Variants in CTCFL observed in about 807,000 individuals in gnomAD.
CTCFL encodes transcriptional repressor CTCFL.
Under a neutral mutation model 67.4 loss-of-function variants are expected in CTCFL, and 36 were observed. That is an observed-to-expected ratio of 0.53 (90% CI 0.41 to 0.71). CTCFL has a LOEUF of 0.71. Among genes scored for constraint, CTCFL ranks in the 30% least tolerant of loss-of-function variants. The pLI, the probability that CTCFL is intolerant of heterozygous loss-of-function variation, is 0.00. For missense variants in CTCFL, 786 were observed against 835.2 expected, an observed-to-expected ratio of 0.94 and a Z score of 0.73; for synonymous variants, 324 against 302.3, an observed-to-expected ratio of 1.07 and a Z score of -0.75.
chr20:57,504,028 G>C (rs2068053784), intron 9 of CTCFL, among the ~76,000 whole-genome samples: 1 of 152,130 alleles, frequency 6.6e-6, no homozygotes. Context: ...CCAGGCTGGA[G>C]TGCAGTGGCG....
In CTCFL at chr20:57,519,205, A is replaced by G. The variant is rs1407649829; in HGVS notation, c.925+2T>C. ...GAGAAACAGCCTTCCCGGCAGTTTT[A>G]CCTGTGTGGGTGTTAACATGGTTCC... On this transcript the variant is annotated splice_donor_variant, in intron 4 of 10. Coordinates refer to ENST00000243914, the MANE Select transcript of CTCFL (RefSeq NM_001386993.1). LOFTEE classifies it high-confidence loss of function. The G allele has an allele frequency of 1.9e-6, 3 of 1,613,776 alleles. No homozygotes were observed. In the East Asian group the frequency reaches 6.7e-5, roughly 36 times the overall value.
chr20:57,511,764 G>T (rs1002630532), intron 8 of CTCFL, among the ~76,000 whole-genome samples: 1 of 151,974 alleles, frequency 6.6e-6, no homozygotes, highest in Non-Finnish European at 1.5e-5. Context: ...ACTAATTTTT[G>T]TATTTTTTAA....
At chr20:57,519,617 C>G (rs2069195918) in intron 3 of CTCFL, among the ~76,000 whole-genome samples, 2 of 152,174 alleles carry the variant, frequency 1.3e-5, no homozygotes, top group Non-Finnish European at 2.9e-5. Flanking sequence ...GGACTAGGTA[C>G]TCTGCTCATC....
chr20:57,520,906 T>C (rs2069304907), intron 3 of CTCFL, among the ~76,000 whole-genome samples: 1 of 151,888 alleles, frequency 6.6e-6, no homozygotes, highest in African/African-American at 2.4e-5. Flanking sequence ...AGGTGGGTCA[T>C]AAGCCAGTAT....
chr20:57,496,197 G>T (rs898751855), downstream of CTCFL: 5 of 527,628 alleles, frequency 9.5e-6, no homozygotes, highest in African/African-American at 9.6e-5. Context: ...CGGTTCTCAA[G>T]GAATCTGGTC....
intron 8 of CTCFL, among the ~76,000 whole-genome samples, chr20:57,509,655 T>C (rs1398277269): frequency 6.6e-6 from 1 of 152,244 alleles, no homozygotes; most frequent in Non-Finnish European, 1.5e-5. Context: ...CATTTTGTTT[T>C]ATTTAAAATG....
intron 10 of CTCFL, 23 bp downstream of exon 10, chr20:57,503,413 A>G (rs1323460211): frequency 6.2e-7 from 1 of 1,613,622 alleles, no homozygotes; most frequent in South Asian, 1.1e-5. Context: ...GGCGGTAAAA[A>G]CAAATCTGCG....
At chr20:57,499,110 C>T (rs1294393211) in intron 10 of CTCFL, among the ~76,000 whole-genome samples, 3 of 149,446 alleles carry the variant, frequency 2.0e-5, no homozygotes, top group Middle Eastern at 3.6e-3. Context: ...TCATTCCCAG[C>T]TGGCATCAGC....
chr20:57,502,364 A>AT (rs1172426127), intron 10 of CTCFL, among the ~76,000 whole-genome samples: 5 of 150,720 alleles, frequency 3.3e-5, no homozygotes, highest in Non-Finnish European at 7.4e-5. Context: ...TTTTTTTAGT[A>AT]TAAGTATATC....
intron 9 of CTCFL, among the ~76,000 whole-genome samples, chr20:57,504,885 C>G (rs949354999): frequency 5.9e-5 from 9 of 151,946 alleles, no homozygotes; most frequent in Non-Finnish European, 1.0e-4. Context: ...GATATCCTGC[C>G]CTTTTAGGGC....
At position 57,497,764 on chromosome 20, in the gene CTCFL, G is replaced by T. The variant is rs886264260; in HGVS notation, c.*786C>A. Reference sequence around the variant, plus strand: ...AAAGAGTAGTTTTAGCAGAAAAAAGGGTTATGGAGTGAAATACTAATAAGC... The same window carrying T: ...AAAGAGTAGTTTTAGCAGAAAAAAGTGTTATGGAGTGAAATACTAATAAGC... On this transcript the variant is annotated 3_prime_UTR_variant, in exon 11 of 11. Transcript: ENST00000243914. The T allele has an allele frequency of 1.0e-6, 1 of 984,584 alleles. No homozygotes were observed. The highest frequency in any genetic ancestry group is 1.2e-6 in the Non-Finnish European group (1 of 829,302). 61.0% of individuals were successfully genotyped at this position (984,584 alleles called of 1,614,324 possible).
At position 57,497,413 on chromosome 20, in the gene CTCFL, A is replaced by G; in HGVS notation, c.*1137T>C. On this transcript the variant is annotated 3_prime_UTR_variant, in exon 11 of 11. Transcript: ENST00000243914. Reference sequence around the variant, plus strand: ...GGATTCTGAACTTGTGATATTTTCAATAAAAGGTCCATATCTTAAGAATTT... The same window carrying G: ...GGATTCTGAACTTGTGATATTTTCAGTAAAAGGTCCATATCTTAAGAATTT... The G allele has an allele frequency of 1.0e-6, 1 of 985,310 alleles. No individual in the cohort carries two copies. The highest frequency in any genetic ancestry group is 1.2e-6 in the Non-Finnish European group (1 of 829,804). The allele number at this position is 985,310 out of a possible 1,614,324, so 61.0% of individuals were successfully genotyped here. A position where few individuals can be genotyped will look rare whatever the true frequency, so the allele number is the denominator to read the frequency against.
In CTCFL at chr20:57,517,140, A is replaced by G. The variant is rs576134423; in HGVS notation, c.1060-1306T>C. Among the ~76,000 whole-genome samples the G allele has an allele frequency of 5.3e-5, 8 of 152,342 alleles. No homozygotes were observed. In the South Asian group the frequency reaches 1.5e-3, roughly 28 times the overall value. On this transcript the variant is annotated intron_variant, in intron 5 of 10. Transcript: ENST00000243914. ...AGTGAATGCCTTCAAGTATATTAGAAAGCAAAACAAAAAGAATTTTAAAAA... is the reference window on the plus strand; with the variant it reads ...AGTGAATGCCTTCAAGTATATTAGAGAGCAAAACAAAAAGAATTTTAAAAA...
chr20:57,524,649 T>A, intron 1 of CTCFL: 1 of 1,005,402 alleles, frequency 9.9e-7, no homozygotes, highest in Non-Finnish European at 1.2e-6. Flanking sequence ...CCTAGCAAGT[T>A]TCAGGTCCAA....
At chr20:57,508,521 G>T (rs2068348858) in intron 9 of CTCFL, 85 bp downstream of exon 9, 2 of 1,354,524 alleles carry the variant, frequency 1.5e-6, no homozygotes, top group Non-Finnish European at 2.1e-6. Context: ...CTATAATCGG[G>T]TTTAAACTCT....
At chr20:57,516,753 T>C (rs6099663) in intron 5 of CTCFL, among the ~76,000 whole-genome samples, 2,198 of 152,340 alleles carry the variant, frequency 0.014, 52 homozygotes, top group African/African-American at 0.049. Context: ...AGAAATTAAA[T>C]TCTAATTTGA....
intron 9 of CTCFL, among the ~76,000 whole-genome samples, chr20:57,505,214 T>G: frequency 6.6e-6 from 1 of 151,914 alleles, no homozygotes; most frequent in East Asian, 1.9e-4. Context: ...TTAAGTATTT[T>G]TTTTTAATAA....
rs142417579 is a variant in CTCFL at position 57,513,259 on chromosome 20, G to T, written c.1331-507C>A. The T allele has an allele frequency of 1.1e-3, 1,045 of 985,688 alleles. 12 individuals are homozygous for T. The African/African-American group carries it at 0.017, about 16-fold the overall frequency. 61.1% of individuals were successfully genotyped at this position (985,688 alleles called of 1,614,324 possible). ...ACCTTAAATAATCCACTCGTTGTTA[G>T]AAGTCAGTGCCCTGTTATTTCCTAT... is the stretch of plus-strand genomic sequence containing the variant. On this transcript the variant is annotated intron_variant, in intron 7 of 10. Coordinates refer to ENST00000243914, the MANE Select transcript of CTCFL (RefSeq NM_001386993.1).
chr20:57,505,201 G>A (rs2068131805), intron 9 of CTCFL, among the ~76,000 whole-genome samples: 1 of 151,704 alleles, frequency 6.6e-6, no homozygotes, highest in African/African-American at 2.4e-5. Context: ...AAGCTAGCTT[G>A]CTTTAAGTAT....
Sources: allele counts gnomAD v4.1 joint callset (sites outside exome capture counted in the v4.1 genomes callset), GRCh38; gene constraint gnomAD v4.1.1; transcripts MANE v1.5; gene names NCBI Gene and HGNC (gene_info 2026-07-23, HGNC 2026-07-21).